RGS17: variants seen among roughly 807,000 people sequenced by gnomAD.
RGS17 encodes the protein regulator of G-protein signaling 17.
In RGS17, 12 loss-of-function variants were observed where a neutral mutation model predicts 25.5. The ratio of observed to expected loss-of-function variants is 0.47; its 90% CI spans 0.30 to 0.76. RGS17 has a LOEUF of 0.76. Among genes scored for constraint, RGS17 ranks in the 30% least tolerant of loss-of-function variants. RGS17 has a pLI of 0.07. For synonymous variants in RGS17, 71 were observed against 76.9 expected (o/e 0.92, Z 0.40); for missense variants, 196 against 242.2 (o/e 0.81, Z 1.27).
intron 1 of RGS17, among the ~76,000 whole-genome samples, chr6:153,117,676 T>C (rs1175733714): frequency 6.6e-6 from 1 of 152,214 alleles, no homozygotes; most frequent in Non-Finnish European, 1.5e-5. Context: ...GACAAAATTA[T>C]GTCCTTATCA....
chr6:153,088,737 G>T (rs900160245), intron 1 of RGS17, among the ~76,000 whole-genome samples: 1 of 152,050 alleles, frequency 6.6e-6, no homozygotes, highest in African/African-American at 2.4e-5. Flanking sequence ...GATGCTTTTG[G>T]TGACTGTGGG....
intron 1 of RGS17, among the ~76,000 whole-genome samples, chr6:153,109,410 A>T (rs1777434764): frequency 6.6e-6 from 1 of 152,196 alleles, no homozygotes; most frequent in African/African-American, 2.4e-5. Flanking sequence ...CACAGGCAAC[A>T]TTCACTAGAT....
At chr6:153,047,347 T>G (rs1776398526) in intron 1 of RGS17, among the ~76,000 whole-genome samples, 1 of 152,222 alleles carries the variant, frequency 6.6e-6, no homozygotes, top group African/African-American at 2.4e-5. Flanking sequence ...GAATTAAATT[T>G]AAGACTACAT....
In RGS17 at chr6:153,106,253, C is replaced by T. The variant is rs75113026; in HGVS notation, c.-26+24871G>A. Reference sequence around the variant, plus strand: ...TGCAGGCAGTTTCAATGGAAGCGGACGTCACTATGAGGTGGCCAGGCAAGG... The same window carrying T: ...TGCAGGCAGTTTCAATGGAAGCGGATGTCACTATGAGGTGGCCAGGCAAGG... On this transcript the variant is annotated intron_variant, in intron 1 of 4. Coordinates refer to ENST00000206262, the MANE Select transcript of RGS17 (RefSeq NM_012419.5). Among the ~76,000 whole-genome samples, 42 of 151,804 alleles carry T rather than the reference C, an allele frequency of 2.8e-4. No homozygotes were observed. The South Asian group carries it at 3.8e-3, about 14-fold the overall frequency.
rs980026256 is a variant in RGS17 at position 153,011,404 on chromosome 6, TAACCATGGAA to T, written c.*160_*169del. ...TTTTGTGTGGTATTTTCTCCAAACT[TAACCATGGAA>T]AACCTTGATAAAAATGGAGACAAAG... On this transcript the variant is annotated 3_prime_UTR_variant, in exon 5 of 5. Coordinates refer to ENST00000206262, the MANE Select transcript of RGS17 (RefSeq NM_012419.5). The T allele has an allele frequency of 8.6e-6, 5 of 581,372 alleles. No individual in the cohort carries two copies. The highest frequency in any genetic ancestry group is 1.5e-5 in the Non-Finnish European group (5 of 331,382). The allele number at this position is 581,372 out of a possible 1,614,324, so 36.0% of individuals were successfully genotyped here.
chr6:153,072,570 T>C (rs1255223124), intron 1 of RGS17, among the ~76,000 whole-genome samples: 1 of 152,218 alleles, frequency 6.6e-6, no homozygotes, highest in Non-Finnish European at 1.5e-5. Flanking sequence ...TTAAGACTGG[T>C]ATCTCCAGAG....
chr6:153,065,689 C>A (rs1776697225), intron 1 of RGS17, among the ~76,000 whole-genome samples: 1 of 151,912 alleles, frequency 6.6e-6, no homozygotes, highest in South Asian at 2.1e-4. Context: ...ACCAGTGGGT[C>A]AATGAAGAAA....
intron 1 of RGS17, among the ~76,000 whole-genome samples, chr6:153,062,865 A>G (rs1203551861): frequency 6.6e-6 from 1 of 152,132 alleles, no homozygotes; most frequent in Non-Finnish European, 1.5e-5. Flanking sequence ...TAGCTTCTGT[A>G]TGACATTGCT....
chr6:153,122,850 T>A (rs12206274), intron 1 of RGS17, among the ~76,000 whole-genome samples: 16,854 of 151,000 alleles, frequency 0.11, 1,036 homozygotes, highest in East Asian at 0.18. Context: ...CATAAGAGAG[T>A]GTGGGGAAAA....
At chr6:153,039,554 G>C (rs1230983878) in intron 2 of RGS17, among the ~76,000 whole-genome samples, 3 of 152,188 alleles carry the variant, frequency 2.0e-5, no homozygotes, top group Admixed American at 6.5e-5. Flanking sequence ...AGGGAACCCT[G>C]TTTTGCTTGA....
In RGS17 at chr6:153,011,611, A is replaced by G. The variant is rs1779134071; in HGVS notation, c.596T>C (p.Phe199Ser). 1 of 1,610,998 alleles carries G rather than the reference A, an allele frequency of 6.2e-7. No individual in the cohort carries two copies. Among genetic ancestry groups the G allele is most frequent in the Non-Finnish European group, 8.5e-7 (1 of 1,178,386 alleles). Residue 199 changes from phenylalanine (F) to serine (S), a missense_variant, in exon 5 of 5, where the codon TTT (phenylalanine) becomes TCT (serine). Physicochemically the swap from Phe to Ser is radical, Grantham distance 155 (BLOSUM62 -2). Coordinates refer to ENST00000206262, the MANE Select transcript of RGS17 (RefSeq NM_012419.5). Reference protein sequence around the residue: ...RFLNSQIYKSFVESTAGSSSE... With the variant: ...RFLNSQIYKSSVESTAGSSSE... ...AGAAGAGCCAGCAGTACTTTCAACA[A>G]ATGACTTATAAATTTGAGAGTTCAA...
rs1584117203 is a variant in RGS17, at chr6:153,014,335, A to G, written c.445-2573T>C. Among the ~76,000 whole-genome samples, 3 of 152,318 alleles carry G rather than the reference A, an allele frequency of 2.0e-5. No individual in the cohort carries two copies. The Middle Eastern group carries it at 0.01, about 518-fold the overall frequency. On this transcript the variant is annotated intron_variant, in intron 4 of 4. Coordinates refer to ENST00000206262, the MANE Select transcript of RGS17 (RefSeq NM_012419.5). ...TCGAGCCCTACTGCTCAAAGAAAAA[A>G]AAGATTCCTTTTAAAGTTCTACTGC...
chr6:153,127,848 G>A (rs1040279027), intron 1 of RGS17, among the ~76,000 whole-genome samples: 2 of 152,148 alleles, frequency 1.3e-5, no homozygotes, highest in Admixed American at 6.5e-5. Flanking sequence ...TTTTAAAAAT[G>A]CAATTCTTAC....
At chr6:153,032,307 A>G (rs1776160267) in intron 2 of RGS17, among the ~76,000 whole-genome samples, 1 of 152,124 alleles carries the variant, frequency 6.6e-6, no homozygotes. Flanking sequence ...TGTGTCTGGA[A>G]ATGTTATAAA....
At chr6:153,082,685 T>C (rs9478388) in intron 1 of RGS17, among the ~76,000 whole-genome samples, 78,848 of 151,512 alleles carry the variant, frequency 0.52, 20,897 homozygotes, top group Non-Finnish European at 0.56. Flanking sequence ...GGATGATATT[T>C]CTCCTGGCTA....
intron 2 of RGS17, among the ~76,000 whole-genome samples, chr6:153,043,267 G>A (rs1037740049): frequency 2.6e-5 from 4 of 152,158 alleles, no homozygotes; most frequent in Admixed American, 2.6e-4. Flanking sequence ...ACCACAATGG[G>A]AAGCAGGTTC....
chr6:153,043,310 T>C (rs1776345046), intron 2 of RGS17, among the ~76,000 whole-genome samples: 1 of 152,172 alleles, frequency 6.6e-6, no homozygotes, highest in Non-Finnish European at 1.5e-5. Context: ...TTCAATGAAC[T>C]GAGTTGGACT....
chr6:153,095,739 G>T (rs1027066392), intron 1 of RGS17, among the ~76,000 whole-genome samples: 1 of 152,106 alleles, frequency 6.6e-6, no homozygotes, highest in Non-Finnish European at 1.5e-5. Flanking sequence ...ATAAAAGGAC[G>T]CATAAATCTC....
chr6:153,075,082 G>T (rs928905858), intron 1 of RGS17, among the ~76,000 whole-genome samples: 2 of 152,136 alleles, frequency 1.3e-5, no homozygotes, highest in South Asian at 2.1e-4. Flanking sequence ...ATAGATAAAT[G>T]AGTTCATACA....
Sources: gnomAD v4.1 joint callset for allele counts (sites outside exome capture counted in the v4.1 genomes callset) on GRCh38, gnomAD v4.1.1 for gene constraint, MANE v1.5 for transcripts, NCBI Gene and HGNC (gene_info 2026-07-23, HGNC 2026-07-21) for gene names.